The following GATAD2A variants were observed in gnomAD, a reference collection of about 807,000 sequenced individuals.
The protein encoded by GATAD2A is GATA zinc finger domain containing 2A, also known as transcriptional repressor p66-alpha.
GATAD2A carries 12 observed loss-of-function variants against 68.5 expected under a neutral mutation model. The ratio of observed to expected loss-of-function variants is 0.18; its 90% CI spans 0.11 to 0.28. The LOEUF is 0.28. GATAD2A is among the 10% of genes least tolerant of loss of function. The probability of loss-of-function intolerance (pLI) is 1.00; values close to 1 mark genes in which losing one functional copy is unlikely to be tolerated. For missense variants in GATAD2A, 755 were observed against 868.5 expected (o/e 0.87, Z 1.64); for synonymous variants, 410 against 375.3 (o/e 1.09, Z -1.07).
At chr19:19,458,224 T>G (rs936959382) in intron 1 of GATAD2A, among the ~76,000 whole-genome samples, 8 of 152,228 alleles carry the variant, frequency 5.3e-5, no homozygotes, top group African/African-American at 1.9e-4. Flanking sequence ...CGGCTTTCCC[T>G]TCCTTGGCCT....
Position 19,501,195 on chromosome 19 carries a change from C to A in GATAD2A, c.1282C>A (p.Arg428Ser). Residue 428 changes from arginine (R) to serine (S), a missense_variant, in exon 9 of 12, where the codon CGC becomes AGC. Physicochemically the swap from Arg to Ser is moderately radical, Grantham distance 110. Transcript: ENST00000683918. ...ACAGTGCAAGACGGACTTCACGTGC[C>A]GCTGGCGGGAGGAGAAGAGCGGCGC... ...CAQCKTDFTCRWREEKSGAIM... is the reference protein window; with the variant it reads ...CAQCKTDFTCSWREEKSGAIM... 1 of 1,613,542 alleles carries A rather than the reference C, an allele frequency of 6.2e-7. No individual in the cohort carries two copies. The highest frequency in any genetic ancestry group is 8.5e-7 in the Non-Finnish European group (1 of 1,180,006).
At chr19:19,428,518 C>T (rs1459456690) in intron 1 of GATAD2A, among the ~76,000 whole-genome samples, 1 of 152,158 alleles carries the variant, frequency 6.6e-6, no homozygotes, top group Admixed American at 6.5e-5. Flanking sequence ...GCAGGCTCCC[C>T]GGGAGGGCAT....
chr19:19,496,294 G>C (rs533125805), intron 7 of GATAD2A, 75 bp downstream of exon 7: 363 of 1,344,968 alleles, frequency 2.7e-4, no homozygotes, highest in Non-Finnish European at 3.4e-4. Context: ...CCCAGGTTCT[G>C]GGGCACAGTA....
intron 1 of GATAD2A, chr19:19,429,260 G>C (rs1419929489): frequency 1.0e-6 from 1 of 983,918 alleles, no homozygotes; most frequent in Non-Finnish European, 1.2e-6. Flanking sequence ...GGCTGGGGGG[G>C]AGAGCTTGCC....
At chr19:19,471,591 C>T (rs749914798) in intron 2 of GATAD2A, among the ~76,000 whole-genome samples, 2 of 152,134 alleles carry the variant, frequency 1.3e-5, no homozygotes, top group African/African-American at 2.4e-5. Context: ...AAAATTGTAT[C>T]GTGGTGATGA....
chr19:19,445,733 A>T (rs1444114701), intron 1 of GATAD2A, among the ~76,000 whole-genome samples: 1 of 152,130 alleles, frequency 6.6e-6, no homozygotes. Flanking sequence ...GTTCAGTCAC[A>T]TTGTGTCAGA....
chr19:19,395,113 T>G (rs924607714), intron 1 of GATAD2A, among the ~76,000 whole-genome samples: 7 of 152,194 alleles, frequency 4.6e-5, no homozygotes, highest in Non-Finnish European at 8.8e-5. Context: ...TGACTTCCTG[T>G]TCTCCCTCCT....
chr19:19,421,810 C>A (rs576364252), intron 1 of GATAD2A, among the ~76,000 whole-genome samples: 96 of 151,956 alleles, frequency 6.3e-4, no homozygotes, highest in African/African-American at 2.3e-3. Flanking sequence ...CAGACCTTCT[C>A]TCTCTTTTTT....
intron 1 of GATAD2A, among the ~76,000 whole-genome samples, chr19:19,452,620 AG>A (rs2147841556): frequency 6.6e-6 from 1 of 151,744 alleles, no homozygotes; most frequent in Non-Finnish European, 1.5e-5. Context: ...TGAAGGACCA[AG>A]GCAGGGAGTG....
At chr19:19,421,602 C>T (rs1049168445) in intron 1 of GATAD2A, among the ~76,000 whole-genome samples, 2 of 152,228 alleles carry the variant, frequency 1.3e-5, no homozygotes, top group African/African-American at 4.8e-5. Context: ...TGTTTGTTTG[C>T]CTGCCTGCTG....
At chr19:19,455,526 A>G (rs1484709132) in intron 1 of GATAD2A, among the ~76,000 whole-genome samples, 1 of 152,180 alleles carries the variant, frequency 6.6e-6, no homozygotes, top group Non-Finnish European at 1.5e-5. Context: ...AAGGAAAATA[A>G]TGGAAAAAAC....
intron 1 of GATAD2A, among the ~76,000 whole-genome samples, chr19:19,417,195 C>T (rs2051754506): frequency 6.6e-6 from 1 of 152,210 alleles, no homozygotes; most frequent in South Asian, 2.1e-4. Flanking sequence ...AGATGTGTTG[C>T]TGGCTGTAGG....
intron 2 of GATAD2A, among the ~76,000 whole-genome samples, chr19:19,491,902 G>C (rs1370307041): frequency 2.6e-5 from 4 of 152,220 alleles, no homozygotes; most frequent in African/African-American, 9.6e-5. Context: ...ATCAGACCCA[G>C]CATGCTCAAG....
At position 19,505,540 on chromosome 19, in the gene GATAD2A, C is replaced by T; in HGVS notation, c.*66C>T. ...CACCTGGCCCCTGGTCTAGAAGGAC[C>T]CACTGCACCACCCTCCGCTGGCTCG... On this transcript the variant is annotated 3_prime_UTR_variant, in exon 12 of 12. Transcript: ENST00000683918. 1 of 1,382,098 alleles carries T rather than the reference C, an allele frequency of 7.2e-7. No homozygotes were observed. The highest frequency in any genetic ancestry group is 1.5e-5 in the African/African-American group (1 of 68,270). The allele number at this position is 1,382,098 out of a possible 1,614,324, so 85.6% of individuals were successfully genotyped here.
intron 2 of GATAD2A, among the ~76,000 whole-genome samples, chr19:19,491,958 G>C (rs886931110): frequency 6.6e-6 from 1 of 152,220 alleles, no homozygotes; most frequent in Non-Finnish European, 1.5e-5. Flanking sequence ...ATCCCGAGCC[G>C]AGTGTTTACC....
intron 1 of GATAD2A, among the ~76,000 whole-genome samples, chr19:19,409,335 G>A (rs904757610): frequency 2.0e-5 from 3 of 152,138 alleles, no homozygotes; most frequent in Non-Finnish European, 1.5e-5. Flanking sequence ...TTATGAAATA[G>A]GTGAGTGGGT....
intron 1 of GATAD2A, among the ~76,000 whole-genome samples, chr19:19,424,266 G>T (rs1388158602): frequency 6.6e-6 from 1 of 151,904 alleles, no homozygotes; most frequent in East Asian, 1.9e-4. Context: ...GTCTTGCTCT[G>T]TCGTCCAGGC....
At chr19:19,413,855 G>A (rs1002857738) in intron 1 of GATAD2A, among the ~76,000 whole-genome samples, 1 of 152,132 alleles carries the variant, frequency 6.6e-6, no homozygotes. Context: ...AAAGTACTGG[G>A]ATTACAGGTG....
In GATAD2A at chr19:19,460,329, G is replaced by T. The variant is rs2057318343; in HGVS notation, c.-6-5011G>T. On this transcript the variant is annotated intron_variant, in intron 1 of 11. Transcript: ENST00000683918. ...AAGGGCAGGGCCACAGGGGCGCTCT[G>T]GAGGTGGGCACCTGGGCGCAGGCTT... 2.0e-5 allele frequency among the ~76,000 whole-genome samples: 3 copies of T among 152,238 alleles called. No homozygotes were observed. The South Asian group carries it at 6.2e-4, about 31-fold the overall frequency.
Sources: gnomAD v4.1 joint callset for allele counts (sites outside exome capture counted in the v4.1 genomes callset) on GRCh38, gnomAD v4.1.1 for gene constraint, MANE v1.5 for transcripts, NCBI Gene and HGNC (gene_info 2026-07-23, HGNC 2026-07-21) for gene names.